Variants in TFB1M observed in about 807,000 individuals in gnomAD.
The protein encoded by TFB1M is dimethyladenosine transferase 1, mitochondrial.
In TFB1M, 27 loss-of-function variants were observed where a neutral mutation model predicts 31.1. The ratio of observed to expected loss-of-function variants is 0.87; its 90% CI spans 0.64 to 1.20. The LOEUF (loss-of-function observed/expected upper bound fraction) is 1.20. Among genes scored for constraint, TFB1M ranks in the 50% most tolerant of loss-of-function variants. TFB1M has a pLI of 0.00. For synonymous variants in TFB1M, 166 were observed against 151.8 expected (o/e 1.09, Z -0.69); for missense variants, 394 against 418.7 (o/e 0.94, Z 0.51).
the TFB1M span, among the ~76,000 whole-genome samples, chr6:155,239,830 C>T: frequency 2.0e-5 from 3 of 152,202 alleles, no homozygotes; most frequent in Non-Finnish European, 2.9e-5. Context: ...CTCTCATCCT[C>T]GCCAGGCCTT....
intron 1 of TFB1M, among the ~76,000 whole-genome samples, chr6:155,312,717 A>AAAG (rs1402885873): frequency 6.6e-6 from 1 of 152,136 alleles, no homozygotes; most frequent in Non-Finnish European, 1.5e-5. Flanking sequence ...GTTCCCATAG[A>AAAG]AAGAGTGGAT....
At chr6:155,291,269 T>C (rs1219248267) in intron 4 of TFB1M, among the ~76,000 whole-genome samples, 1 of 152,090 alleles carries the variant, frequency 6.6e-6, no homozygotes, top group South Asian at 2.1e-4. Flanking sequence ...GTTCGGAGAA[T>C]TGGAGATTGC....
chr6:155,272,792 G>T (rs1455759922), intron 5 of TFB1M, among the ~76,000 whole-genome samples: 2 of 152,072 alleles, frequency 1.3e-5, no homozygotes, highest in African/African-American at 4.8e-5. Flanking sequence ...ACGTCATATT[G>T]TTTACACTGA....
chr6:155,272,996 G>A (rs879644789), intron 5 of TFB1M, among the ~76,000 whole-genome samples: 2 of 152,178 alleles, frequency 1.3e-5, no homozygotes, highest in Non-Finnish European at 2.9e-5. Flanking sequence ...GAGGGAGAGA[G>A]AAAAGTGAGC....
chr6:155,294,629 T>C (rs1301656981), intron 4 of TFB1M, among the ~76,000 whole-genome samples: 1 of 152,090 alleles, frequency 6.6e-6, no homozygotes, highest in African/African-American at 2.4e-5. Context: ...TACCCTGAGA[T>C]TAATAAAAAT....
intron 4 of TFB1M, 149 bp downstream of exon 4, chr6:155,296,804 T>C (rs905752043): frequency 5.4e-6 from 4 of 738,040 alleles, no homozygotes; most frequent in East Asian, 2.8e-5. Flanking sequence ...TCATCAAAGT[T>C]TTAACTTTTG....
At chr6:155,275,035 G>A (rs1397674260) in intron 5 of TFB1M, among the ~76,000 whole-genome samples, 4 of 151,866 alleles carry the variant, frequency 2.6e-5, no homozygotes. Context: ...TGGCTAACAG[G>A]GTGAAACCCC....
Position 155,301,403 on chromosome 6 carries a change from A to G in TFB1M, c.286-2818T>C, listed in dbSNP as rs140782685. On this transcript the variant is annotated intron_variant, in intron 2 of 6. Transcript: ENST00000367166. The stretch of plus-strand genomic sequence containing the variant: ...TGATATTAGGCAATAACACATGAAG[A>G]CCTTCTAGCCAACCAGTAGCAGAAA... Among the ~76,000 whole-genome samples, 28 of 152,330 alleles carry G rather than the reference A, an allele frequency of 1.8e-4. 2 individuals carry two copies. The highest frequency in any genetic ancestry group is 6.5e-4 in the African/African-American group (27 of 41,568).
At chr6:155,232,841 C>A in the TFB1M span, 2 of 152,118 alleles carry the variant, frequency 1.3e-5, no homozygotes, top group Non-Finnish European at 2.9e-5. Context: ...GGATCCTCCC[C>A]CAACATACTT....
chr6:155,258,191 T>G (rs1784205616), intron 6 of TFB1M, 109 bp from the exon 7 acceptor site: 1 of 1,345,388 alleles, frequency 7.4e-7, no homozygotes, highest in East Asian at 2.3e-5. Context: ...TGCTGGCTAC[T>G]GACAGCTGGA....
At chr6:155,289,390 C>G (rs1215991766) in intron 4 of TFB1M, among the ~76,000 whole-genome samples, 1 of 152,146 alleles carries the variant, frequency 6.6e-6, no homozygotes, top group Non-Finnish European at 1.5e-5. Context: ...CCATGACCTT[C>G]TGGAAGGCAT....
At chr6:155,261,955 A>G (rs1344902322) in intron 5 of TFB1M, among the ~76,000 whole-genome samples, 2 of 152,186 alleles carry the variant, frequency 1.3e-5, no homozygotes, top group Non-Finnish European at 2.9e-5. Flanking sequence ...GCTCTTAATA[A>G]ATTTTAGTAA....
At chr6:155,258,139 A>G (rs1204565656) in intron 6 of TFB1M, 57 bp from the exon 7 acceptor site, 2 of 1,598,222 alleles carry the variant, frequency 1.3e-6, no homozygotes, top group East Asian at 2.2e-5. Context: ...TCTGCAAATC[A>G]TGACACTTTT....
intron 2 of TFB1M, among the ~76,000 whole-genome samples, chr6:155,301,795 TAACA>T (rs1386833008): frequency 1.3e-5 from 2 of 152,196 alleles, no homozygotes; most frequent in Non-Finnish European, 2.9e-5. Flanking sequence ...CTAACAATCC[TAACA>T]ATCATGACAG....
chr6:155,231,652 A>G, the TFB1M span, among the ~76,000 whole-genome samples: 1 of 152,292 alleles, frequency 6.6e-6, no homozygotes, highest in South Asian at 2.1e-4. Flanking sequence ...AGCACTAAAT[A>G]GAGTTCAGCC....
At chr6:155,249,902 A>C in the TFB1M span, 5 of 1,614,198 alleles carry the variant, frequency 3.1e-6, no homozygotes, top group Non-Finnish European at 4.2e-6. Flanking sequence ...GAGATGCAGA[A>C]GATCTATGAG....
Position 155,257,730 on chromosome 6 carries a change from CATTGGCATTTGT to C in TFB1M, c.*94_*105del, listed in dbSNP as rs1784160597. ...AAAAGGAAAATAAGTCACATCTGGT[CATTGGCATTTGT>C]ATCGTCATTCTGTAAAGACAAAAGA... is the stretch of plus-strand genomic sequence containing the variant. On this transcript the variant is annotated 3_prime_UTR_variant, in exon 7 of 7. Transcript: ENST00000367166. 7.3e-7 allele frequency: 1 copy of C among 1,363,642 alleles called. No individual in the cohort carries two copies. Among genetic ancestry groups the C allele is most frequent in the South Asian group, 1.2e-5 (1 of 80,262 alleles). The allele number at this position is 1,363,642 out of a possible 1,614,324, so 84.5% of individuals were successfully genotyped here.
At chr6:155,245,476 A>C in the TFB1M span, 1 of 671,552 alleles carries the variant, frequency 1.5e-6, no homozygotes, top group Non-Finnish European at 2.6e-6. Flanking sequence ...GCTGTTCCCC[A>C]CCTCCTGTGT....
downstream of TFB1M, chr6:155,254,443 T>G (rs1202469055): frequency 1.2e-6 from 2 of 1,613,794 alleles, no homozygotes; most frequent in Non-Finnish European, 1.7e-6. Context: ...AAACCAACAT[T>G]GTTAAGGTGA....
Sources: gnomAD v4.1 joint callset for allele counts (sites outside exome capture counted in the v4.1 genomes callset) on GRCh38, gnomAD v4.1.1 for gene constraint, MANE v1.5 for transcripts, NCBI Gene and HGNC (gene_info 2026-07-23, HGNC 2026-07-21) for gene names.